LOC128462377: variants seen among roughly 807,000 people sequenced by gnomAD.
At chr16:89,390,835 GCC>G in the LOC128462377 span, among the ~76,000 whole-genome samples, 1 of 152,298 alleles carries the variant, frequency 6.6e-6, no homozygotes, top group African/African-American at 2.4e-5. Context: ...CACATGCCCT[GCC>G]CTCCGCATCT....
At chr16:89,336,614 T>C in the LOC128462377 span, among the ~76,000 whole-genome samples, 1 of 152,138 alleles carries the variant, frequency 6.6e-6, no homozygotes, top group Non-Finnish European at 1.5e-5. Context: ...AGTGACGCTT[T>C]GTAAGGACGG....
chr16:89,406,039 G>A, the LOC128462377 span, among the ~76,000 whole-genome samples: 1 of 151,328 alleles, frequency 6.6e-6, no homozygotes, highest in South Asian at 2.1e-4. Flanking sequence ...GAACCCCGAA[G>A]GCAGAGGCTG....
At chr16:89,350,508 GATCA>G in the LOC128462377 span, among the ~76,000 whole-genome samples, 21 of 152,276 alleles carry the variant, frequency 1.4e-4, no homozygotes, top group African/African-American at 4.8e-4. Flanking sequence ...ACAGAACCCA[GATCA>G]ATCTCAAAAG....
At chr16:89,394,649 AC>A in the LOC128462377 span, among the ~76,000 whole-genome samples, 1 of 151,250 alleles carries the variant, frequency 6.6e-6, no homozygotes, top group African/African-American at 2.4e-5. Flanking sequence ...AAAACAAACA[AC>A]CTTTTGTGGA....
the LOC128462377 span, among the ~76,000 whole-genome samples, chr16:89,343,294 G>A: frequency 1.3e-5 from 2 of 152,212 alleles, no homozygotes; most frequent in Non-Finnish European, 2.9e-5. Context: ...CACTGGGCCT[G>A]AGCGCATTTT....
chr16:89,381,167 T>C, the LOC128462377 span, among the ~76,000 whole-genome samples: 3 of 151,332 alleles, frequency 2.0e-5, no homozygotes, highest in South Asian at 2.1e-4. Flanking sequence ...TACTGAAAAT[T>C]AAAAAATAAA....
the LOC128462377 span, among the ~76,000 whole-genome samples, chr16:89,352,269 CTGG>C: frequency 1.5e-4 from 23 of 152,158 alleles, no homozygotes; most frequent in East Asian, 3.3e-3. Context: ...GTCCTAAGGA[CTGG>C]ATCTCACAGT....
the LOC128462377 span, chr16:89,317,186 C>G: frequency 1.2e-6 from 1 of 839,534 alleles, no homozygotes; most frequent in African/African-American, 1.7e-5. Context: ...CAGGCAGCTG[C>G]TCTGATCAGG....
At chr16:89,331,010 A>G in the LOC128462377 span, among the ~76,000 whole-genome samples, 13 of 152,274 alleles carry the variant, frequency 8.5e-5, no homozygotes, top group East Asian at 1.7e-3. Context: ...CTGGAGTGCA[A>G]TGGTGCCATC....
chr16:89,318,101 G>A, the LOC128462377 span, among the ~76,000 whole-genome samples: 11 of 152,144 alleles, frequency 7.2e-5, no homozygotes, highest in South Asian at 2.1e-4. Flanking sequence ...CCCTGCTTCC[G>A]ACTCCCACCC....
the LOC128462377 span, among the ~76,000 whole-genome samples, chr16:89,369,399 G>C: frequency 6.6e-6 from 1 of 152,226 alleles, no homozygotes; most frequent in Non-Finnish European, 1.5e-5. Context: ...CCACAGGGAG[G>C]GCTGTGCTCT....
chr16:89,369,254 C>T, the LOC128462377 span, among the ~76,000 whole-genome samples: 1 of 152,364 alleles, frequency 6.6e-6, no homozygotes, highest in African/African-American at 2.4e-5. Context: ...GCGACCTACA[C>T]CTAGGTACGC....
At chr16:89,401,239 C>T in the LOC128462377 span, among the ~76,000 whole-genome samples, 6 of 152,170 alleles carry the variant, frequency 3.9e-5, no homozygotes, top group Admixed American at 1.3e-4. Context: ...CCACCACGCC[C>T]GGCTAACATT....
the LOC128462377 span, among the ~76,000 whole-genome samples, chr16:89,355,542 C>T: frequency 1.3e-5 from 2 of 152,180 alleles, no homozygotes; most frequent in African/African-American, 2.4e-5. Context: ...CTGCTCTGAA[C>T]GCTCTCTCTT....
chr16:89,379,528 C>T, the LOC128462377 span, among the ~76,000 whole-genome samples: 3 of 152,170 alleles, frequency 2.0e-5, no homozygotes, highest in Non-Finnish European at 2.9e-5. Flanking sequence ...TGCTCTGTCG[C>T]CCAGACAGAG....
chr16:89,377,689 C>T, the LOC128462377 span, among the ~76,000 whole-genome samples: 78 of 152,232 alleles, frequency 5.1e-4, no homozygotes, highest in Middle Eastern at 6.8e-3. Context: ...GACTCCCACC[C>T]GCTTTTAACT....
the LOC128462377 span, among the ~76,000 whole-genome samples, chr16:89,376,445 TTTG>T: frequency 6.6e-6 from 1 of 152,116 alleles, no homozygotes; most frequent in Non-Finnish European, 1.5e-5. Flanking sequence ...GGGTTTTGTT[TTTG>T]TTTTTTTGAG....
At chr16:89,363,175 A>G in the LOC128462377 span, among the ~76,000 whole-genome samples, 1 of 152,226 alleles carries the variant, frequency 6.6e-6, no homozygotes, top group Non-Finnish European at 1.5e-5. Flanking sequence ...CCTGTTAAAA[A>G]AAATATACGA....
the LOC128462377 span, among the ~76,000 whole-genome samples, chr16:89,404,645 T>C: frequency 3.9e-5 from 6 of 152,228 alleles, no homozygotes; most frequent in Non-Finnish European, 7.3e-5. Context: ...GTCACTACTA[T>C]GGATCCTGAG....
Sources: allele counts gnomAD v4.1 joint callset (sites outside exome capture counted in the v4.1 genomes callset), GRCh38; gene constraint gnomAD v4.1.1; transcripts MANE v1.5.